SLIT2: variants seen among roughly 807,000 people sequenced by gnomAD.
SLIT2 encodes the protein slit homolog 2 protein.
A neutral mutation model predicts 185.7 loss-of-function variants in SLIT2; 41 were observed. The observed-to-expected ratio is 0.22, with a 90% CI of 0.17 to 0.29. The LOEUF (loss-of-function observed/expected upper bound fraction) is 0.29. Among genes scored for constraint, SLIT2 ranks in the 10% least tolerant of loss-of-function variants. The pLI, the probability that SLIT2 is intolerant of heterozygous loss-of-function variation, is 1.00. For synonymous variants in SLIT2, 693 were observed against 680.2 expected (o/e 1.02, Z -0.29); for missense variants, 1,571 against 1,909.0 (o/e 0.82, Z 3.30).
chr4:20,448,228 T>A (rs545667113), intron 4 of SLIT2, among the ~76,000 whole-genome samples: 19 of 152,304 alleles, frequency 1.2e-4, no homozygotes, highest in Admixed American at 5.2e-4. Context: ...ATACTGATTG[T>A]GTGTTTAAAA....
chr4:20,515,368 T>C (rs79652419), intron 11 of SLIT2, among the ~76,000 whole-genome samples: 4,738 of 152,296 alleles, frequency 0.031, 153 homozygotes, highest in African/African-American at 0.075. Context: ...CCTCAATATA[T>C]GATTTTTCTC....
intron 26 of SLIT2, among the ~76,000 whole-genome samples, chr4:20,563,460 T>C (rs1413468209): frequency 6.6e-6 from 1 of 151,804 alleles, no homozygotes; most frequent in Non-Finnish European, 1.5e-5. Context: ...CCTCTTCTGT[T>C]TCTTAAAGGT....
intron 21 of SLIT2, among the ~76,000 whole-genome samples, chr4:20,545,458 C>CATATATAT (rs3836701): frequency 3.0e-4 from 44 of 147,996 alleles, no homozygotes; most frequent in South Asian, 2.6e-3. Context: ...ATTGCTGTTA[C>CATATATAT]ATATATATAT....
At chr4:20,482,466 G>C (rs1366943593) in intron 6 of SLIT2, among the ~76,000 whole-genome samples, 1 of 151,830 alleles carries the variant, frequency 6.6e-6, no homozygotes, top group African/African-American at 2.4e-5. Flanking sequence ...AACTACATTT[G>C]ATTATTTTCT....
At chr4:20,346,002 T>G (rs974057164) in intron 4 of SLIT2, among the ~76,000 whole-genome samples, 1 of 151,882 alleles carries the variant, frequency 6.6e-6, no homozygotes, top group African/African-American at 2.4e-5. Context: ...TTGTTGTTGT[T>G]GTTGTTTTGG....
chr4:20,573,350 A>G (rs1725786495), intron 29 of SLIT2: 1 of 696,868 alleles, frequency 1.4e-6, no homozygotes, highest in East Asian at 2.7e-5. Flanking sequence ...GTACACAGTA[A>G]AAAGGAATGT....
At position 20,441,503 on chromosome 4, in the gene SLIT2, G is replaced by GC. The variant is rs72605532; in HGVS notation, c.396-26240dup. ...CATCCAATCTCTCTCTCTCTCTCTC[G>GC]CCCCCCCCCACTTCTGTCTCTCTCT... On this transcript the variant is annotated intron_variant, in intron 4 of 36. Transcript: ENST00000504154. Among the ~76,000 whole-genome samples, 533 of 73,362 alleles carry GC rather than the reference G, an allele frequency of 7.3e-3. 5 individuals are homozygous for GC. The highest frequency in any genetic ancestry group is 0.019 in the African/African-American group (343 of 18,474). The allele number at this position is 73,362 out of a possible 152,430, so 48.1% of individuals were successfully genotyped here.
At chr4:20,441,028 C>A (rs771854481) in intron 4 of SLIT2, among the ~76,000 whole-genome samples, 51 of 147,328 alleles carry the variant, frequency 3.5e-4, no homozygotes, top group Non-Finnish European at 5.7e-4. Context: ...TTCAGAGCCA[C>A]AACGGGATTA....
At chr4:20,497,961 C>G in intron 9 of SLIT2, among the ~76,000 whole-genome samples, 1 of 151,280 alleles carries the variant, frequency 6.6e-6, no homozygotes, top group Non-Finnish European at 1.5e-5. Context: ...ATCACGAGGT[C>G]AAGAGATCAA....
At chr4:20,360,018 C>T (rs1320105726) in intron 4 of SLIT2, among the ~76,000 whole-genome samples, 1 of 151,872 alleles carries the variant, frequency 6.6e-6, no homozygotes. Context: ...TGGTATGGTA[C>T]CTAGGTAGGA....
intron 29 of SLIT2, among the ~76,000 whole-genome samples, chr4:20,585,142 TA>T (rs150775023): frequency 0.031 from 4,742 of 152,284 alleles, 251 homozygotes; most frequent in African/African-American, 0.1. Flanking sequence ...CACTTTTTCT[TA>T]AGAAAGTTCT....
At chr4:20,523,969 C>T (rs763349345) in intron 13 of SLIT2, 45 bp from the exon 14 acceptor site, 2 of 1,611,656 alleles carry the variant, frequency 1.2e-6, no homozygotes, top group South Asian at 2.2e-5. Flanking sequence ...AGAGCTGAGT[C>T]CATTGCAAGT....
intron 29 of SLIT2, among the ~76,000 whole-genome samples, chr4:20,583,165 C>A (rs979068009): frequency 1.3e-5 from 2 of 152,202 alleles, no homozygotes; most frequent in African/African-American, 2.4e-5. Flanking sequence ...GAATTAATAT[C>A]TTTCTCCTCC....
intron 4 of SLIT2, among the ~76,000 whole-genome samples, chr4:20,389,937 A>G (rs975888271): frequency 1.2e-4 from 18 of 152,044 alleles, no homozygotes; most frequent in African/African-American, 3.9e-4. Flanking sequence ...CATCCGATAA[A>G]TACTCTCCTT....
chr4:20,254,114 A>G lies in SLIT2; in HGVS notation c.179+120A>G. ...GGGCAGCCCTCGCTAGCTCTCCCCC[A>G]TGCACATCCTGGGGTTGAGCTCTCC... On this transcript the variant is annotated intron_variant, in intron 1 of 36. Transcript: ENST00000504154. The surrounding 1 kb of genome is among the most constrained non-coding windows in gnomAD (Gnocchi z 5.1). The G allele has an allele frequency of 3.0e-6, 3 of 1,007,448 alleles. No individual in the cohort carries two copies. The highest frequency in any genetic ancestry group is 4.4e-6 in the Non-Finnish European group (3 of 681,718). 62.4% of individuals were successfully genotyped at this position (1,007,448 alleles called of 1,614,324 possible). A position where few individuals can be genotyped will look rare whatever the true frequency, so the allele number is the denominator to read the frequency against.
At chr4:20,588,324 A>G (rs894971156) in intron 29 of SLIT2, among the ~76,000 whole-genome samples, 4 of 152,166 alleles carry the variant, frequency 2.6e-5, no homozygotes, top group African/African-American at 9.7e-5. Context: ...ACGGGAAAAG[A>G]CTCTTGAAGT....
chr4:20,599,986 C>A (rs1384069247), intron 33 of SLIT2, among the ~76,000 whole-genome samples: 1 of 152,104 alleles, frequency 6.6e-6, no homozygotes, highest in African/African-American at 2.4e-5. Flanking sequence ...AGCATGGAAA[C>A]AAACACATAA....
At chr4:20,258,949 G>A (rs1179488084) in intron 3 of SLIT2, among the ~76,000 whole-genome samples, 1 of 151,674 alleles carries the variant, frequency 6.6e-6, no homozygotes, top group African/African-American at 2.4e-5. Context: ...TTAATTCCCT[G>A]TAATTGTCCA....
At chr4:20,464,832 TGTCA>T (rs1479050275) in intron 4 of SLIT2, among the ~76,000 whole-genome samples, 1 of 152,162 alleles carries the variant, frequency 6.6e-6, no homozygotes, top group Non-Finnish European at 1.5e-5. Context: ...TTTTTTTGAC[TGTCA>T]GTATTTTTTT....
Sources: gnomAD v4.1 joint callset for allele counts (sites outside exome capture counted in the v4.1 genomes callset) on GRCh38, gnomAD v4.1.1 for gene constraint, Gnocchi (gnomAD v3.1) non-coding constraint, MANE v1.5 for transcripts, NCBI Gene and HGNC (gene_info 2026-07-23, HGNC 2026-07-21) for gene names.